Variants in ABCD3 observed in about 807,000 individuals in gnomAD.
ABCD3 encodes ATP binding cassette subfamily D member 3, also known as ATP-binding cassette sub-family D member 3.
A neutral mutation model predicts 105.5 loss-of-function variants in ABCD3; 41 were observed. That is an observed-to-expected ratio of 0.39 (90% confidence interval 0.30 to 0.50). The LOEUF is 0.50. Among genes scored for constraint, ABCD3 ranks in the 20% least tolerant of loss-of-function variants. The pLI is 0.84. For synonymous variants in ABCD3, 258 were observed against 269.0 expected (o/e 0.96, Z 0.40); for missense variants, 622 against 806.3 (o/e 0.77, Z 2.77).
chr1:94,445,421 G>C (rs1304205815), intron 1 of ABCD3, among the ~76,000 whole-genome samples: 2 of 152,228 alleles, frequency 1.3e-5, no homozygotes, highest in Non-Finnish European at 2.9e-5. Flanking sequence ...TGGGTAAGAA[G>C]GGGAGCTCGG....
At chr1:94,509,780 G>T (rs1305707636) in intron 21 of ABCD3, among the ~76,000 whole-genome samples, 1 of 152,138 alleles carries the variant, frequency 6.6e-6, no homozygotes, top group African/African-American at 2.4e-5. Flanking sequence ...TTGCGTAGAG[G>T]TGTTTGTAGT....
chr1:94,407,014 T>G, the ABCD3 span: 4 of 152,102 alleles, frequency 2.6e-5, no homozygotes, highest in Non-Finnish European at 5.9e-5. Context: ...TAGGATGAAC[T>G]TGTCTACCTT....
At chr1:94,473,935 A>C in intron 5 of ABCD3, 100 bp downstream of exon 5, 1 of 859,116 alleles carries the variant, frequency 1.2e-6, no homozygotes, top group Non-Finnish European at 1.9e-6. Flanking sequence ...GACTTATGAT[A>C]CTAAGTTCCT....
intron 1 of ABCD3, among the ~76,000 whole-genome samples, chr1:94,444,384 C>CA (rs1557665236): frequency 4.7e-5 from 7 of 150,416 alleles, no homozygotes; most frequent in Admixed American, 3.3e-4. Flanking sequence ...GGGCTGGTCT[C>CA]AAACTCCTGG....
At chr1:94,479,930 AAGAC>A (rs1648957304) in intron 8 of ABCD3, among the ~76,000 whole-genome samples, 1 of 152,094 alleles carries the variant, frequency 6.6e-6, no homozygotes, top group Non-Finnish European at 1.5e-5. Flanking sequence ...CACGCAGGGA[AAGAC>A]AGAGCTCGTT....
chr1:94,472,124 T>A lies in ABCD3; in HGVS notation c.336-1642T>A, dbSNP rs192663732. 8.0e-4 allele frequency: 453 copies of A among 569,130 alleles called. 1 individual carries two copies. The African/African-American group carries it at 8.9e-3, about 11-fold the overall frequency. 35.3% of individuals were successfully genotyped at this position (569,130 alleles called of 1,614,324 possible). On this transcript the variant is annotated intron_variant, in intron 4 of 22. Coordinates refer to ENST00000370214, the MANE Select transcript of ABCD3 (RefSeq NM_002858.4). ...ATTCTTAAACATTTGGAAGTTGTAG[T>A]GATTAGGGCTATTGTAAAATTGTTT...
At chr1:94,388,395 C>A in the ABCD3 span, among the ~76,000 whole-genome samples, 5 of 83,888 alleles carry the variant, frequency 6.0e-5, no homozygotes, top group African/African-American at 1.2e-4. Flanking sequence ...TACCTTCCCT[C>A]CAATTTTTTT....
chr1:94,417,841 G>A (rs986811670), upstream of ABCD3, among the ~76,000 whole-genome samples: 2 of 152,304 alleles, frequency 1.3e-5, no homozygotes, highest in Middle Eastern at 3.4e-3. Context: ...TATAACCCGC[G>A]GTTTGGAAAA....
intron 1 of ABCD3, among the ~76,000 whole-genome samples, chr1:94,421,025 T>C (rs951690611): frequency 6.6e-6 from 1 of 152,146 alleles, no homozygotes; most frequent in African/African-American, 2.4e-5. Context: ...CTTTTAATTT[T>C]TGTTAATGTA....
At chr1:94,392,940 C>T in the ABCD3 span, among the ~76,000 whole-genome samples, 133 of 151,848 alleles carry the variant, frequency 8.8e-4, no homozygotes, top group African/African-American at 3.0e-3. Flanking sequence ...GGTAAAACCC[C>T]GTCTCTGCTA....
chr1:94,406,974 T>A, the ABCD3 span: 1 of 152,150 alleles, frequency 6.6e-6, no homozygotes. Flanking sequence ...TTTCAGTTGC[T>A]CTTTGATGTT....
At chr1:94,513,900 T>G (rs1192134908) in intron 21 of ABCD3, 3 of 152,056 alleles carry the variant, frequency 2.0e-5, no homozygotes, top group Non-Finnish European at 4.4e-5. Flanking sequence ...TATTTTATTA[T>G]GCAATTCCTA....
chr1:94,434,976 G>GT (rs796955039), intron 1 of ABCD3, among the ~76,000 whole-genome samples: 1,786 of 148,630 alleles, frequency 0.012, 32 homozygotes, highest in African/African-American at 0.036. Context: ...TGTGTTTGTG[G>GT]TTTTTTTTTT....
At chr1:94,399,021 C>T in the ABCD3 span, among the ~76,000 whole-genome samples, 1 of 151,828 alleles carries the variant, frequency 6.6e-6, no homozygotes, top group Non-Finnish European at 1.5e-5. Flanking sequence ...GGATATAGTA[C>T]ATTTCACTCT....
intron 1 of ABCD3, among the ~76,000 whole-genome samples, chr1:94,431,905 A>G (rs944025530): frequency 3.2e-4 from 49 of 152,238 alleles, no homozygotes; most frequent in African/African-American, 1.1e-3. Flanking sequence ...CCCCATCAAC[A>G]GTGCCCAAGA....
rs1377939947 is a variant in ABCD3, at chr1:94,475,211, C to T, written c.474C>T (p.Leu158=). 1 of 1,601,110 alleles carries T rather than the reference C, an allele frequency of 6.2e-7. No homozygotes were observed. Among genetic ancestry groups the T allele is most frequent in the Non-Finnish European group, 8.5e-7 (1 of 1,172,134 alleles). The change falls in exon 6 of 23, where the codon CTC becomes CTT. Residue 158 remains leucine, a synonymous_variant. Transcript: ENST00000370214. ...NELKLCFRVR[L]TKYLYEEYLQ... is the part of the protein sequence containing the mutation. ...TTAAACTGTGCTTCCGAGTAAGGCT[C>T]ACTAAATACCTCTATGAGGAGTATC...
At chr1:94,414,434 A>G (rs764053980), upstream of ABCD3, among the ~76,000 whole-genome samples, 3 of 152,140 alleles carry the variant, frequency 2.0e-5, no homozygotes, top group Non-Finnish European at 4.4e-5. Context: ...CCTGACTCAC[A>G]TGGTCACTAC....
At chr1:94,389,021 C>T in the ABCD3 span, among the ~76,000 whole-genome samples, 1 of 152,160 alleles carries the variant, frequency 6.6e-6, no homozygotes, top group African/African-American at 2.4e-5. Flanking sequence ...TGCCCCATGA[C>T]TGTAACTATC....
chr1:94,436,276 C>G (rs1659898927), intron 1 of ABCD3, among the ~76,000 whole-genome samples: 1 of 152,184 alleles, frequency 6.6e-6, no homozygotes, highest in Non-Finnish European at 1.5e-5. Flanking sequence ...ACATCTGTAT[C>G]TCCTTGTATC....
Sources: gnomAD v4.1 joint callset for allele counts (sites outside exome capture counted in the v4.1 genomes callset) on GRCh38, gnomAD v4.1.1 for gene constraint, MANE v1.5 for transcripts, NCBI Gene and HGNC (gene_info 2026-07-23, HGNC 2026-07-21) for gene names.